Variants in PHACTR1 observed in about 807,000 individuals in gnomAD.
PHACTR1 encodes the protein RPEL repeat containing 1.
Under a neutral mutation model 69.2 loss-of-function variants are expected in PHACTR1, and 16 were observed. The observed-to-expected ratio is 0.23, with a 90% CI of 0.16 to 0.35. PHACTR1 has a LOEUF of 0.35. Among genes scored for constraint, PHACTR1 ranks in the 10% least tolerant of loss-of-function variants. The probability of loss-of-function intolerance (pLI) is 1.00; values close to 1 mark genes in which losing one functional copy is unlikely to be tolerated. For synonymous variants in PHACTR1, 312 were observed against 284.5 expected (o/e 1.10, Z -0.97); for missense variants, 510 against 734.7 (o/e 0.69, Z 3.54).
chr6:12,956,975 T>G (rs1287857533), intron 4 of PHACTR1, among the ~76,000 whole-genome samples: 4 of 151,772 alleles, frequency 2.6e-5, no homozygotes, highest in Admixed American at 1.3e-4. Context: ...GGAACTAAAG[T>G]GCATTGCAAA....
At chr6:13,224,275 T>C (rs1463418528) in intron 8 of PHACTR1, among the ~76,000 whole-genome samples, 1 of 152,108 alleles carries the variant, frequency 6.6e-6, no homozygotes, top group Non-Finnish European at 1.5e-5. Context: ...TTGAGGACTC[T>C]CTCCCATAAA....
intron 7 of PHACTR1, chr6:13,185,129 T>C: frequency 7.0e-6 from 5 of 709,246 alleles, no homozygotes; most frequent in Non-Finnish European, 1.0e-5. Flanking sequence ...GTGGGATGTT[T>C]GGGTGTTTCT....
At chr6:13,252,925 T>C (rs950706668) in intron 10 of PHACTR1, 10 of 342,398 alleles carry the variant, frequency 2.9e-5, no homozygotes, top group Non-Finnish European at 5.8e-5. Context: ...CTGAGATTCC[T>C]TGGGGTTTTT....
intron 4 of PHACTR1, among the ~76,000 whole-genome samples, chr6:12,927,360 CT>C (rs1582528540): frequency 6.6e-6 from 1 of 152,326 alleles, no homozygotes; most frequent in East Asian, 1.9e-4. Flanking sequence ...GTCTAGCACA[CT>C]TTCTTGCATG....
rs200807265 is a variant in PHACTR1 at position 13,180,998 on chromosome 6, G to GA, written c.497-1512dup. On this transcript the variant is annotated intron_variant, in intron 6 of 14. Transcript: ENST00000332995. ...ATATAAAAAAGCGGAATTAAAAAAA[G>GA]AAAAAAAAACACACTCTTCAAATGC... Among the ~76,000 whole-genome samples the GA allele has an allele frequency of 2.9e-3, 434 of 149,058 alleles. 3 individuals carry two copies. Among genetic ancestry groups the GA allele is most frequent in the African/African-American group, 1.0e-2 (405 of 40,698 alleles).
chr6:13,079,829 G>T (rs1811092210), intron 5 of PHACTR1, among the ~76,000 whole-genome samples: 1 of 152,116 alleles, frequency 6.6e-6, no homozygotes, highest in African/African-American at 2.4e-5. Flanking sequence ...CTAGCCATAT[G>T]ACCTTGAACA....
intron 4 of PHACTR1, among the ~76,000 whole-genome samples, chr6:12,752,151 A>G (rs1232448134): frequency 6.6e-6 from 1 of 152,142 alleles, no homozygotes; most frequent in East Asian, 1.9e-4. Flanking sequence ...GTTTATTTCC[A>G]GCTGGTTTCT....
At position 13,234,781 on chromosome 6, in the gene PHACTR1, G is replaced by A. The variant is rs543725522; in HGVS notation, c.1391+4588G>A. On this transcript the variant is annotated intron_variant, in intron 10 of 14. Transcript: ENST00000332995. ...TAATAAATAACTATTTCAGTCCACT[G>A]CCATTGGAGACGTGTGGACTGCCCC... 2.6e-5 allele frequency among the ~76,000 whole-genome samples: 4 copies of A among 152,284 alleles called. No homozygotes were observed. The South Asian group carries it at 8.3e-4, about 32-fold the overall frequency.
chr6:12,919,982 T>C (rs1180293793), intron 4 of PHACTR1, among the ~76,000 whole-genome samples: 2 of 152,218 alleles, frequency 1.3e-5, no homozygotes, highest in Admixed American at 6.5e-5. Context: ...CCTCAGTCTA[T>C]ATTAGTTTTT....
chr6:13,226,329 C>T (rs770446154), intron 8 of PHACTR1, among the ~76,000 whole-genome samples: 35 of 152,040 alleles, frequency 2.3e-4, no homozygotes, highest in South Asian at 1.7e-3. Context: ...TAATTTAAAG[C>T]GTAATTGAAA....
In PHACTR1 at chr6:12,966,319, G is replaced by A. The variant is rs565199870; in HGVS notation, c.251-87046G>A. Among the ~76,000 whole-genome samples, 4 of 152,314 alleles carry A rather than the reference G, an allele frequency of 2.6e-5. No individual in the cohort carries two copies. The East Asian group carries it at 5.8e-4, about 22-fold the overall frequency. On this transcript the variant is annotated intron_variant, in intron 4 of 14. Coordinates refer to ENST00000332995, the MANE Select transcript of PHACTR1 (RefSeq NM_030948.6). The stretch of plus-strand genomic sequence containing the variant: ...TCATTGAATCCTCACGACCCTATAA[G>A]AGAGAAAGAGGGACTATTATACCCA...
intron 5 of PHACTR1, among the ~76,000 whole-genome samples, chr6:13,101,504 G>A (rs534714210): frequency 5.1e-4 from 78 of 152,344 alleles, no homozygotes; most frequent in South Asian, 4.6e-3. Flanking sequence ...AACAACAGGA[G>A]CAGCTGACTC....
chr6:12,768,426 A>G (rs1011641475), intron 4 of PHACTR1, among the ~76,000 whole-genome samples: 3 of 152,250 alleles, frequency 2.0e-5, no homozygotes, highest in Admixed American at 2.0e-4. Context: ...AATCCTTTTT[A>G]AGAACAGATC....
chr6:12,769,259 G>A (rs1035708147), intron 4 of PHACTR1, among the ~76,000 whole-genome samples: 2 of 152,188 alleles, frequency 1.3e-5, no homozygotes, highest in Admixed American at 6.5e-5. Flanking sequence ...TGGTGGGTAC[G>A]GTAGTTGCCC....
At chr6:12,992,827 C>T (rs138719396) in intron 4 of PHACTR1, among the ~76,000 whole-genome samples, 1 of 152,158 alleles carries the variant, frequency 6.6e-6, no homozygotes, top group Non-Finnish European at 1.5e-5. Context: ...GGTTTATAGA[C>T]GAGCTTGAGA....
rs575721881 is a variant in PHACTR1, at chr6:12,788,233, C to T, written c.250+38443C>T. ...ACCCACGCTTCCCTCCCCAAGTTCCCTACCTCATCAGCTGATGTAACTAAG... is the reference window on the plus strand; with the variant it reads ...ACCCACGCTTCCCTCCCCAAGTTCCTTACCTCATCAGCTGATGTAACTAAG... On this transcript the variant is annotated intron_variant, in intron 4 of 14. Transcript: ENST00000332995. Among the ~76,000 whole-genome samples the T allele has an allele frequency of 5.0e-5, 7 of 140,722 alleles. No individual in the cohort carries two copies. The South Asian group carries it at 1.5e-3, about 31-fold the overall frequency. 92.3% of individuals were successfully genotyped at this position (140,722 alleles called of 152,430 possible). A position where few individuals can be genotyped will look rare whatever the true frequency, so the allele number is the denominator to read the frequency against.
intron 5 of PHACTR1, among the ~76,000 whole-genome samples, chr6:13,158,478 G>A (rs1408544869): frequency 6.6e-6 from 1 of 152,158 alleles, no homozygotes; most frequent in South Asian, 2.1e-4. Flanking sequence ...TCAGCTCTAC[G>A]TGAGTGCATT....
At chr6:13,016,910 G>A (rs1800255493) in intron 4 of PHACTR1, among the ~76,000 whole-genome samples, 6 of 152,124 alleles carry the variant, frequency 3.9e-5, no homozygotes, top group Admixed American at 3.9e-4. Context: ...GATGCGGCTG[G>A]GCGCGGTGGC....
intron 5 of PHACTR1, among the ~76,000 whole-genome samples, chr6:13,064,973 T>C (rs1808405009): frequency 6.6e-6 from 1 of 152,128 alleles, no homozygotes; most frequent in Non-Finnish European, 1.5e-5. Flanking sequence ...TTTGTGTCCA[T>C]GTTCAATTGA....
Sources: gnomAD v4.1 joint callset for allele counts (sites outside exome capture counted in the v4.1 genomes callset) on GRCh38, gnomAD v4.1.1 for gene constraint, MANE v1.5 for transcripts, NCBI Gene and HGNC (gene_info 2026-07-23, HGNC 2026-07-21) for gene names.